MED15: variants seen among roughly 807,000 people sequenced by gnomAD.
MED15 encodes the protein mediator complex subunit 15.
In MED15, 41 loss-of-function variants were observed where a neutral mutation model predicts 118.7. The ratio of observed to expected loss-of-function variants is 0.35; its 90% CI spans 0.27 to 0.45. MED15 has a LOEUF of 0.45. Among genes scored for constraint, MED15 ranks in the 20% least tolerant of loss-of-function variants. MED15 has a pLI of 1.00. For synonymous variants in MED15, 436 were observed against 413.9 expected, an observed-to-expected ratio of 1.05 and a Z score of -0.65; for missense variants, 740 against 1,025.5, an observed-to-expected ratio of 0.72 and a Z score of 3.80.
In MED15 at chr22:20,583,940, A is replaced by G. The variant is rs191953832; in HGVS notation, c.1737-419A>G. On this transcript the variant is annotated intron_variant, in intron 13 of 17. Transcript: ENST00000263205. The stretch of plus-strand genomic sequence containing the variant: ...TTGGCATATACCTCCCTTTCACCTC[A>G]ACTCAGGCTATCCCCCAACCCCTGT... The G allele has an allele frequency of 7.4e-5, 18 of 243,384 alleles. No individual in the cohort carries two copies. In the Admixed American group the frequency reaches 8.0e-4, roughly 11 times the overall value. The allele number at this position is 243,384 out of a possible 1,614,324, so 15.1% of individuals were successfully genotyped here. A position where few individuals can be genotyped will look rare whatever the true frequency, so the allele number is the denominator to read the frequency against.
At chr22:20,584,219 G>A (rs2057069306) in intron 13 of MED15, 140 bp from the exon 14 acceptor site, 3 of 821,832 alleles carry the variant, frequency 3.7e-6, no homozygotes, top group East Asian at 4.9e-5. Context: ...TTCAACTCTG[G>A]GTCTGGGAAC....
chr22:20,550,500 C>G (rs2055724842), intron 2 of MED15, among the ~76,000 whole-genome samples: 1 of 152,260 alleles, frequency 6.6e-6, no homozygotes, highest in African/African-American at 2.4e-5. Context: ...CATCATCCTT[C>G]CCTCTGCCCT....
At chr22:20,578,090 A>C (rs564425190) in intron 9 of MED15, among the ~76,000 whole-genome samples, 3 of 152,000 alleles carry the variant, frequency 2.0e-5, no homozygotes, top group African/African-American at 7.2e-5. Flanking sequence ...ACATCTGGCT[A>C]ATTTTTGTAT....
rs1268640689 is a variant in MED15, at chr22:20,587,049, G to C, written c.*345G>C. The C allele has an allele frequency of 2.7e-6, 1 of 364,962 alleles. No homozygotes were observed. Among genetic ancestry groups the C allele is most frequent in the Non-Finnish European group, 5.2e-6 (1 of 193,996 alleles). 22.6% of individuals were successfully genotyped at this position (364,962 alleles called of 1,614,324 possible). ...TGAGGGTGCACTCAGGGTGTTGTTA[G>C]AGCGTCTCGTGTGTGCTAGACGCAC... On this transcript the variant is annotated 3_prime_UTR_variant, in exon 18 of 18. Transcript: ENST00000263205.
intron 1 of MED15, among the ~76,000 whole-genome samples, chr22:20,532,073 T>C (rs1373951868): frequency 2.0e-5 from 3 of 152,134 alleles, no homozygotes; most frequent in African/African-American, 7.2e-5. Flanking sequence ...AGCAGGGGCC[T>C]GGGTTGCTTC....
At chr22:20,537,781 GA>G (rs1396986331) in intron 2 of MED15, among the ~76,000 whole-genome samples, 1 of 152,256 alleles carries the variant, frequency 6.6e-6, no homozygotes, top group Non-Finnish European at 1.5e-5. Context: ...CCCTGGGACA[GA>G]ACCGTTTTAC....
intron 1 of MED15, among the ~76,000 whole-genome samples, chr22:20,527,404 A>G (rs2146398256): frequency 6.6e-6 from 1 of 151,866 alleles, no homozygotes; most frequent in East Asian, 1.9e-4. Context: ...TTCCTGTTAA[A>G]TGGATACAAT....
At chr22:20,521,088 ATTTTTTT>A (rs924603121) in intron 1 of MED15, among the ~76,000 whole-genome samples, 7 of 61,498 alleles carry the variant, frequency 1.1e-4, no homozygotes, top group Admixed American at 1.8e-4. Flanking sequence ...CAGTTGTTCT[ATTTTTTT>A]TTTTTTTTTT....
intron 5 of MED15, among the ~76,000 whole-genome samples, chr22:20,563,548 G>C (rs1444594132): frequency 6.6e-6 from 1 of 152,230 alleles, no homozygotes; most frequent in African/African-American, 2.4e-5. Flanking sequence ...GCAACACGAG[G>C]GATCCTTGTG....
intron 1 of MED15, among the ~76,000 whole-genome samples, chr22:20,525,320 G>GT (rs60581887): frequency 0.11 from 16,499 of 146,646 alleles, 2,027 homozygotes; most frequent in African/African-American, 0.31. Flanking sequence ...GAGTTTTTTT[G>GT]TTTTTTTTTT....
chr22:20,568,632 G>C lies in MED15; in HGVS notation c.1152+1G>C. On this transcript the variant is annotated splice_donor_variant, in intron 8 of 17. Coordinates refer to ENST00000263205, the MANE Select transcript of MED15 (RefSeq NM_001003891.3). LOFTEE classifies it high-confidence loss of function. The stretch of plus-strand genomic sequence containing the variant: ...CCAGATGGTGGCTCCCGGAGTCCAG[G>C]TGAGGGCCTGGGGGTGGAGGGCTCC... 6.2e-7 allele frequency: 1 copy of C among 1,612,802 alleles called. No individual in the cohort carries two copies. Among genetic ancestry groups the C allele is most frequent in the Non-Finnish European group, 8.5e-7 (1 of 1,179,704 alleles).
At chr22:20,568,420 C>T (rs2056520678) in intron 7 of MED15, 101 bp from the exon 8 acceptor site, 3 of 1,497,840 alleles carry the variant, frequency 2.0e-6, no homozygotes, top group Admixed American at 2.0e-5. Context: ...TCCCATTCCT[C>T]ACCTCAAGAA....
intron 4 of MED15, among the ~76,000 whole-genome samples, chr22:20,553,399 A>G (rs2055867800): frequency 6.6e-6 from 1 of 152,246 alleles, no homozygotes; most frequent in Non-Finnish European, 1.5e-5. Flanking sequence ...CCCGTTTCAC[A>G]CAAATGCTGC....
intron 7 of MED15, among the ~76,000 whole-genome samples, 161 bp from the exon 8 acceptor site, chr22:20,568,360 G>A (rs1168181688): frequency 3.9e-5 from 6 of 152,170 alleles, no homozygotes. Flanking sequence ...GAGCTAATGG[G>A]ATCCTAGATG....
At chr22:20,577,053 G>A (rs563678275) in intron 9 of MED15, among the ~76,000 whole-genome samples, 6 of 152,164 alleles carry the variant, frequency 3.9e-5, no homozygotes, top group Non-Finnish European at 8.8e-5. Flanking sequence ...TGTGTACAGA[G>A]CCTCACTGTT....
Position 20,585,620 on chromosome 22 carries a change from A to G in MED15, c.2132-108A>G, listed in dbSNP as rs929722577. ...GAGACCTCCTCCAGGCTTTGCCACA[A>G]GCTTCACCAGAACCTCCCTGGGTGT... On this transcript the variant is annotated intron_variant, in intron 16 of 17. Coordinates refer to ENST00000263205, the MANE Select transcript of MED15 (RefSeq NM_001003891.3). 58 of 1,043,502 alleles carry G rather than the reference A, an allele frequency of 5.6e-5. No homozygotes were observed. The Middle Eastern group carries it at 6.2e-4, about 11-fold the overall frequency. The allele number at this position is 1,043,502 out of a possible 1,614,324, so 64.6% of individuals were successfully genotyped here. A position where few individuals can be genotyped will look rare whatever the true frequency, so the allele number is the denominator to read the frequency against.
rs529655224 is a variant in MED15, at chr22:20,576,073, T to C, written c.1272+841T>C. On this transcript the variant is annotated intron_variant, in intron 9 of 17. Coordinates refer to ENST00000263205, the MANE Select transcript of MED15 (RefSeq NM_001003891.3). ...CCGGCTTCTTTTATTGTATGAAATTTGGAATTACTCCATGGCATAGTCATT... is the reference window on the plus strand; with the variant it reads ...CCGGCTTCTTTTATTGTATGAAATTCGGAATTACTCCATGGCATAGTCATT... Among the ~76,000 whole-genome samples, 4 of 152,368 alleles carry C rather than the reference T, an allele frequency of 2.6e-5. No homozygotes were observed. The South Asian group carries it at 6.2e-4, about 24-fold the overall frequency.
intron 7 of MED15, 33 bp from the exon 8 acceptor site, chr22:20,568,488 G>A (rs1445630119): frequency 1.2e-6 from 2 of 1,608,142 alleles, no homozygotes; most frequent in Admixed American, 1.7e-5. Flanking sequence ...GACCCAGGTG[G>A]TTCCAAATCA....
intron 1 of MED15, among the ~76,000 whole-genome samples, chr22:20,535,929 G>A (rs1473479140): frequency 7.0e-5 from 10 of 143,762 alleles, no homozygotes; most frequent in Non-Finnish European, 1.0e-4. Flanking sequence ...CCAGGCTGGA[G>A]TGCAGTGGCG....
Sources: allele counts gnomAD v4.1 joint callset (sites outside exome capture counted in the v4.1 genomes callset), GRCh38; gene constraint gnomAD v4.1.1; transcripts MANE v1.5; gene names NCBI Gene and HGNC (gene_info 2026-07-23, HGNC 2026-07-21).